Variants in TMEM254 observed in about 807,000 individuals in gnomAD.
TMEM254 encodes the protein transmembrane protein C10orf57.
Under a neutral mutation model 13.9 loss-of-function variants are expected in TMEM254, and 16 were observed. The observed-to-expected ratio is 1.15, with a 90% CI of 0.78 to 1.75. The LOEUF (loss-of-function observed/expected upper bound fraction) is 1.75. TMEM254 is among the 40% of genes most tolerant of loss of function. TMEM254 has a pLI of 0.00. For missense variants in TMEM254, 155 were observed against 149.0 expected, an observed-to-expected ratio of 1.04 and a Z score of -0.21; for synonymous variants, 61 against 56.4, an observed-to-expected ratio of 1.08 and a Z score of -0.36.
rs765512675 is a variant in TMEM254, at chr10:80,081,880, C to T, written c.127C>T (p.Leu43Phe). ...GCCTCAGAGTATCCCTTATCAGAAC[C>T]TTGGGCCCCTGGGCCCCTTCACTCA... Reference protein sequence around the residue: ...FWPQSIPYQNLGPLGPFTQYL... With the variant: ...FWPQSIPYQNFGPLGPFTQYL... The change falls in exon 2 of 4, where the codon CTT (leucine) becomes TTT (phenylalanine). Residue 43 changes from leucine (L) to phenylalanine (F), a missense_variant. Coordinates refer to ENST00000372281, the MANE Select transcript of TMEM254 (RefSeq NM_025125.4). 1.4e-5 allele frequency: 22 copies of T among 1,614,218 alleles called. No homozygotes were observed. In the South Asian group the frequency reaches 2.4e-4, roughly 18 times the overall value.
At chr10:80,087,794 G>C (rs1038227459) in intron 3 of TMEM254, among the ~76,000 whole-genome samples, 2 of 152,084 alleles carry the variant, frequency 1.3e-5, no homozygotes, top group African/African-American at 4.8e-5. Flanking sequence ...CTTCAAATGG[G>C]CTGTCTGTCC....
chr10:80,079,639 T>TA, intron 1 of TMEM254: 8 of 986,960 alleles, frequency 8.1e-6, no homozygotes, highest in Non-Finnish European at 9.6e-6. Flanking sequence ...GAGCGACGTT[T>TA]GTTTGGCTGA....
intron 3 of TMEM254, among the ~76,000 whole-genome samples, chr10:80,083,249 G>T (rs1844139240): frequency 6.6e-6 from 1 of 151,754 alleles, no homozygotes. Flanking sequence ...GATTACAGAA[G>T]CCCACCACCA....
At chr10:80,089,879 C>T (rs1446898973) in intron 3 of TMEM254, among the ~76,000 whole-genome samples, 4 of 151,856 alleles carry the variant, frequency 2.6e-5, no homozygotes, top group Non-Finnish European at 5.9e-5. Flanking sequence ...GTGGCGGGCT[C>T]CTGTAATCCC....
rs1392452449 is a variant in TMEM254 at position 80,078,738 on chromosome 10, C to T, written c.39C>T (p.Gly13=). Residue 13 remains glycine (G), a synonymous_variant, in exon 1 of 4, where the codon GGC becomes GGT. Coordinates refer to ENST00000372281, the MANE Select transcript of TMEM254 (RefSeq NM_025125.4). ...CCGGCGCGACCTACTTTCAGCGAGG[C>T]AGTCTGTTCTGGTTCACAGTCATCA... is the stretch of plus-strand genomic sequence containing the variant. ...TAAGATYFQR[G]SLFWFTVITL... 1.2e-6 allele frequency: 2 copies of T among 1,608,670 alleles called. No individual in the cohort carries two copies. Among genetic ancestry groups the T allele is most frequent in the Admixed American group, 3.4e-5 (2 of 59,576 alleles).
At chr10:80,088,950 C>T (rs112999721) in intron 3 of TMEM254, among the ~76,000 whole-genome samples, 156 of 151,308 alleles carry the variant, frequency 1.0e-3, no homozygotes, top group African/African-American at 3.6e-3. Flanking sequence ...CTAGCTCTGT[C>T]GCCCAGACTG....
intron 3 of TMEM254, chr10:80,086,423 A>G (rs1311554316): frequency 7.5e-6 from 3 of 399,468 alleles, no homozygotes; most frequent in African/African-American, 2.1e-5. Flanking sequence ...ACTAAATATC[A>G]TACACATTTA....
At chr10:80,079,976 A>G (rs1417218558) in intron 1 of TMEM254, among the ~76,000 whole-genome samples, 2 of 152,378 alleles carry the variant, frequency 1.3e-5, no homozygotes, top group East Asian at 3.9e-4. Context: ...GGGTATACCA[A>G]TAGATCCTGG....
intron 3 of TMEM254, among the ~76,000 whole-genome samples, chr10:80,087,533 A>C (rs1784358805): frequency 2.0e-5 from 3 of 151,834 alleles, no homozygotes; most frequent in Non-Finnish European, 2.9e-5. Context: ...GGCACCTGTA[A>C]TCCCAGCTAC....
intron 3 of TMEM254, chr10:80,086,275 A>C: frequency 6.8e-7 from 1 of 1,470,330 alleles, no homozygotes; most frequent in Non-Finnish European, 9.0e-7. Context: ...GAATGAGAAC[A>C]AGTTATGATG....
rs1325904543 is a variant in TMEM254 at position 80,082,147 on chromosome 10, A to T, written c.194A>T (p.Tyr65Phe). 6.2e-7 allele frequency: 1 copy of T among 1,614,050 alleles called. No individual in the cohort carries two copies. Among genetic ancestry groups the T allele is most frequent in the Non-Finnish European group, 8.5e-7 (1 of 1,180,034 alleles). Reference sequence around the variant, plus strand: ...ATTAACCTTTTTTTTGGTTTCAGGTATTGGCTTGCCTGGCTGATTCATGTG... The same window carrying T: ...ATTAACCTTTTTTTTGGTTTCAGGTTTTGGCTTGCCTGGCTGATTCATGTG... The part of the protein sequence containing the change: ...DHHHTLLCNG[Y>F]WLAWLIHVGE... The change falls in exon 3 of 4, where the codon TAT (tyrosine) becomes TTT (phenylalanine). Residue 65 changes from tyrosine to phenylalanine, a missense_variant and splice_region_variant. Coordinates refer to ENST00000372281, the MANE Select transcript of TMEM254 (RefSeq NM_025125.4).
intron 3 of TMEM254, chr10:80,086,202 T>G: frequency 7.1e-7 from 1 of 1,410,998 alleles, no homozygotes; most frequent in South Asian, 1.5e-5. Flanking sequence ...TAAGAAAACT[T>G]TCTTAAAAGA....
Position 80,081,941 on chromosome 10 carries a change from A to G in TMEM254, c.188A>G (p.Asn63Ser), listed in dbSNP as rs545263902. The G allele has an allele frequency of 2.2e-5, 35 of 1,613,436 alleles. No homozygotes were observed. The highest frequency in any genetic ancestry group is 4.5e-5 in the East Asian group (2 of 44,842). The change falls in exon 2 of 4, where the codon AAT (asparagine) becomes AGT (serine). Residue 63 changes from asparagine (N) to serine (S), a missense_variant. By Grantham distance (46) the Asn-to-Ser change is conservative. Coordinates refer to ENST00000372281, the MANE Select transcript of TMEM254 (RefSeq NM_025125.4). Reference protein sequence around the residue: ...LVDHHHTLLCNGYWLAWLIHV... With the variant: ...LVDHHHTLLCSGYWLAWLIHV... ...GACCACCATCACACCCTCCTGTGCAATGGGTAAGGAGAGCTGCACAAGTGG... is the reference window on the plus strand; with the variant it reads ...GACCACCATCACACCCTCCTGTGCAGTGGGTAAGGAGAGCTGCACAAGTGG...
rs758405954 is a variant in TMEM254 at position 80,079,229 on chromosome 10, C to T, written c.87+443C>T. 4.0e-6 allele frequency: 5 copies of T among 1,263,670 alleles called. No individual in the cohort carries two copies. In the South Asian group the frequency reaches 5.2e-5, roughly 13 times the overall value. 78.3% of individuals were successfully genotyped at this position (1,263,670 alleles called of 1,614,324 possible). A position where few individuals can be genotyped will look rare whatever the true frequency, so the allele number is the denominator to read the frequency against. The stretch of plus-strand genomic sequence containing the variant: ...GGGGCGGGCCTCTGTTTTGGCCCGC[C>T]GGGCCCTCGTAGGGCGAGGGGAGCT... On this transcript the variant is annotated intron_variant, in intron 1 of 3. Transcript: ENST00000372281.
At chr10:80,079,030 G>A in intron 1 of TMEM254, 1 of 1,513,350 alleles carries the variant, frequency 6.6e-7, no homozygotes, top group South Asian at 1.2e-5. Context: ...TCTTATATGG[G>A]GGCGGGGACG....
intron 3 of TMEM254, among the ~76,000 whole-genome samples, chr10:80,089,570 T>C (rs1844475016): frequency 6.6e-6 from 1 of 152,002 alleles, no homozygotes; most frequent in African/African-American, 2.4e-5. Flanking sequence ...CCCAGCTACT[T>C]GGGAAGCTAA....
At chr10:80,082,377 G>A (rs1009524520) in intron 3 of TMEM254, among the ~76,000 whole-genome samples, 173 bp downstream of exon 3, 1 of 152,144 alleles carries the variant, frequency 6.6e-6, no homozygotes, top group African/African-American at 2.4e-5. Context: ...GTAAATGTTT[G>A]ATGAATGCAT....
chr10:80,089,997 T>C lies in TMEM254; in HGVS notation c.252-800T>C, dbSNP rs1038921909. The stretch of plus-strand genomic sequence containing the variant: ...TCCAGCCTGGGTGACAGAGCGAGAC[T>C]CCATCTCAAAAAAAAAAAAAAAAAG... On this transcript the variant is annotated intron_variant, in intron 3 of 3. Transcript: ENST00000372281. 3.0e-5 allele frequency among the ~76,000 whole-genome samples: 4 copies of C among 134,768 alleles called. No individual in the cohort carries two copies. The South Asian group carries it at 7.5e-4, about 25-fold the overall frequency. 88.4% of individuals were successfully genotyped at this position (134,768 alleles called of 152,430 possible).
intron 3 of TMEM254, among the ~76,000 whole-genome samples, chr10:80,089,473 C>T (rs538047856): frequency 1.3e-5 from 2 of 151,662 alleles, no homozygotes; most frequent in African/African-American, 2.4e-5. Context: ...GAGTTCAAGA[C>T]CAGCCTGGGC....
Sources: allele counts gnomAD v4.1 joint callset (sites outside exome capture counted in the v4.1 genomes callset), GRCh38; gene constraint gnomAD v4.1.1; transcripts MANE v1.5; gene names NCBI Gene and HGNC (gene_info 2026-07-23, HGNC 2026-07-21).